The following PTPRK variants were observed in gnomAD, a reference collection of about 807,000 sequenced individuals.
The protein encoded by PTPRK is protein tyrosine phosphatase receptor type K, also known as receptor-type tyrosine-protein phosphatase kappa.
A neutral mutation model predicts 178.0 loss-of-function variants in PTPRK; 75 were observed. That is an observed-to-expected ratio of 0.42 (90% CI 0.35 to 0.51). The LOEUF is 0.51. Ranked by LOEUF, PTPRK falls within the 20% of genes least tolerant of loss-of-function variation. The pLI is 0.02. For missense variants in PTPRK, 1,441 were observed against 1,797.8 expected (o/e 0.80, Z 3.59); for synonymous variants, 637 against 620.6 (o/e 1.03, Z -0.39).
chr6:128,320,071 C>T (rs1160906347), intron 3 of PTPRK, among the ~76,000 whole-genome samples: 2 of 152,116 alleles, frequency 1.3e-5, no homozygotes, highest in African/African-American at 4.8e-5. Flanking sequence ...TTTATTTAGT[C>T]ATCATTTTCT....
rs894290255 is a variant in PTPRK at position 128,122,237 on chromosome 6, G to A, written c.1163-32245C>T. 5.9e-5 allele frequency among the ~76,000 whole-genome samples: 9 copies of A among 152,232 alleles called. No individual in the cohort carries two copies. In the South Asian group the frequency reaches 1.9e-3, roughly 32 times the overall value. On this transcript the variant is annotated intron_variant, in intron 7 of 29. Coordinates refer to ENST00000368226, the MANE Select transcript of PTPRK (RefSeq NM_002844.4). ...AGACACAAGTTAAATGGATAAAATA[G>A]CACATGTGTGCATGTATAGGGGTGG...
chr6:128,191,636 A>T (rs1313702839), intron 6 of PTPRK, among the ~76,000 whole-genome samples: 1 of 152,162 alleles, frequency 6.6e-6, no homozygotes, highest in Non-Finnish European at 1.5e-5. Flanking sequence ...TAATTATTTC[A>T]AATTGTATAC....
intron 2 of PTPRK, among the ~76,000 whole-genome samples, chr6:128,360,626 A>T (rs1834606027): frequency 1.3e-5 from 2 of 152,172 alleles, no homozygotes; most frequent in Admixed American, 1.3e-4. Context: ...TCCATAGCAG[A>T]ATTCCTAGAC....
chr6:128,119,989 C>T (rs960421583), intron 7 of PTPRK, among the ~76,000 whole-genome samples: 1 of 151,886 alleles, frequency 6.6e-6, no homozygotes, highest in Non-Finnish European at 1.5e-5. Flanking sequence ...TTTTTCCAGT[C>T]TCAGTGTTTC....
intron 13 of PTPRK, among the ~76,000 whole-genome samples, chr6:128,017,696 ACTCTCTCTCTCTCTCCTT>A (rs1779731179): frequency 7.3e-6 from 1 of 137,476 alleles, no homozygotes; most frequent in Admixed American, 7.4e-5. Context: ...GCTCGCTCTC[ACTCTCTCTCTCTCTCCTT>A]CTCTCTCTCT....
chr6:128,354,392 C>T (rs1019056953), intron 2 of PTPRK, among the ~76,000 whole-genome samples: 5 of 151,454 alleles, frequency 3.3e-5, no homozygotes, highest in South Asian at 4.2e-4. Context: ...CATCCACCAC[C>T]GCCCGGCTAA....
chr6:128,080,633 G>A (rs554696057), intron 10 of PTPRK, among the ~76,000 whole-genome samples: 10 of 152,134 alleles, frequency 6.6e-5, no homozygotes, highest in African/African-American at 2.4e-4. Flanking sequence ...GTGAATGTAT[G>A]TGTATGTATA....
At chr6:128,121,105 G>T (rs1792386790) in intron 7 of PTPRK, among the ~76,000 whole-genome samples, 1 of 151,868 alleles carries the variant, frequency 6.6e-6, no homozygotes, top group African/African-American at 2.4e-5. Flanking sequence ...TTACAAAATA[G>T]TTGTAAAACT....
intron 13 of PTPRK, among the ~76,000 whole-genome samples, chr6:128,050,993 T>C (rs1165069931): frequency 6.6e-6 from 1 of 152,248 alleles, no homozygotes; most frequent in Non-Finnish European, 1.5e-5. Context: ...GGTCTCTTGT[T>C]CCACATCTGA....
intron 7 of PTPRK, among the ~76,000 whole-genome samples, chr6:128,115,687 T>A (rs1791388678): frequency 6.6e-6 from 1 of 152,168 alleles, no homozygotes; most frequent in South Asian, 2.1e-4. Context: ...ATAACAGATA[T>A]AAAAGGGATT....
At chr6:127,972,991 T>G (rs1298224857) in intron 29 of PTPRK, 31 bp downstream of exon 29, 2 of 1,606,750 alleles carry the variant, frequency 1.2e-6, no homozygotes, top group Non-Finnish European at 1.7e-6. Context: ...ATCTCTAAGA[T>G]GCCTTCCAAA....
chr6:127,981,752 G>C (rs1775365411), intron 24 of PTPRK, among the ~76,000 whole-genome samples: 1 of 152,084 alleles, frequency 6.6e-6, no homozygotes, highest in Non-Finnish European at 1.5e-5. Flanking sequence ...CCACCTTCAG[G>C]GGTGTTTTAA....
chr6:128,197,010 A>G (rs796551121), intron 6 of PTPRK, among the ~76,000 whole-genome samples: 35 of 152,228 alleles, frequency 2.3e-4, no homozygotes, highest in African/African-American at 8.4e-4. Context: ...GAAGGCTACT[A>G]TTTTAAACAT....
rs758482943 is a variant in PTPRK, at chr6:128,083,842, T to G, written c.1466-18A>C. ...ACCAGGCACTACAAAACACATGAATTTTTTGTTATGAAAATGCTTACATTA... is the reference window on the plus strand; with the variant it reads ...ACCAGGCACTACAAAACACATGAATGTTTTGTTATGAAAATGCTTACATTA... On this transcript the variant is annotated intron_variant, in intron 8 of 29. Transcript: ENST00000368226. The G allele has an allele frequency of 3.5e-6, 5 of 1,436,750 alleles. 1 individual carries two copies. In the South Asian group the frequency reaches 6.9e-5, roughly 20 times the overall value. 89.0% of individuals were successfully genotyped at this position (1,436,750 alleles called of 1,614,324 possible).
At chr6:128,462,747 C>T (rs1219699665) in intron 1 of PTPRK, among the ~76,000 whole-genome samples, 5 of 151,892 alleles carry the variant, frequency 3.3e-5, no homozygotes, top group African/African-American at 1.2e-4. Flanking sequence ...CCTCCACCTC[C>T]AGGGTTCAAG....
rs530188635 is a variant in PTPRK, at chr6:128,415,496, T to C, written c.101-17808A>G. On this transcript the variant is annotated intron_variant, in intron 1 of 29. Coordinates refer to ENST00000368226, the MANE Select transcript of PTPRK (RefSeq NM_002844.4). The stretch of plus-strand genomic sequence containing the variant: ...GGTGAAAAACATGCCATTTGAGATA[T>C]GCAGTGAGAAAAAAAAAAAAAAAAT... 4.7e-5 allele frequency among the ~76,000 whole-genome samples: 5 copies of C among 106,158 alleles called. No individual in the cohort carries two copies. The East Asian group carries it at 1.5e-3, about 31-fold the overall frequency. 69.6% of individuals were successfully genotyped at this position (106,158 alleles called of 152,430 possible). A position where few individuals can be genotyped will look rare whatever the true frequency, so the allele number is the denominator to read the frequency against.
At chr6:128,291,169 A>G (rs1352167833) in intron 3 of PTPRK, among the ~76,000 whole-genome samples, 1 of 152,096 alleles carries the variant, frequency 6.6e-6, no homozygotes, top group Non-Finnish European at 1.5e-5. Context: ...TAAGACTCCG[A>G]AGCAATGTAG....
intron 10 of PTPRK, among the ~76,000 whole-genome samples, chr6:128,080,101 G>A (rs1784549590): frequency 6.6e-6 from 1 of 151,730 alleles, no homozygotes; most frequent in Admixed American, 6.6e-5. Flanking sequence ...TGATGTTTAA[G>A]CCAAATATTA....
intron 1 of PTPRK, among the ~76,000 whole-genome samples, chr6:128,435,643 T>G (rs1845493607): frequency 6.6e-6 from 1 of 152,194 alleles, no homozygotes; most frequent in Non-Finnish European, 1.5e-5. Context: ...GTTCGTTATC[T>G]GTTACTTGAA....
Sources: allele counts gnomAD v4.1 joint callset (sites outside exome capture counted in the v4.1 genomes callset), GRCh38; gene constraint gnomAD v4.1.1; transcripts MANE v1.5; gene names NCBI Gene and HGNC (gene_info 2026-07-23, HGNC 2026-07-21).